The following WWOX variants were observed in gnomAD, a reference collection of about 807,000 sequenced individuals.
WWOX encodes WW domain-containing oxidoreductase.
WWOX carries 69 observed loss-of-function variants against 46.2 expected under a neutral mutation model. The ratio of observed to expected loss-of-function variants is 1.49; its 90% CI spans 1.23 to 1.82. The LOEUF (loss-of-function observed/expected upper bound fraction) is 1.82. WWOX is among the 40% of genes most tolerant of loss of function. The pLI, the probability that WWOX is intolerant of heterozygous loss-of-function variation, is 0.00. For missense variants in WWOX, 919 were observed against 542.6 expected (o/e 1.69, Z -6.89); for synonymous variants, 359 against 202.6 (o/e 1.77, Z -6.56).
intron 8 of WWOX, among the ~76,000 whole-genome samples, chr16:78,508,417 G>A (rs2085272133): frequency 6.7e-6 from 1 of 149,108 alleles, no homozygotes; most frequent in African/African-American, 2.5e-5. Flanking sequence ...TGTGGCCCAG[G>A]GAAGCTAAAA....
intron 5 of WWOX, among the ~76,000 whole-genome samples, chr16:78,229,189 C>T (rs996272634): frequency 1.3e-5 from 2 of 150,796 alleles, no homozygotes; most frequent in African/African-American, 2.4e-5. Flanking sequence ...GATGAGGTTA[C>T]GAATCATAGT....
intron 6 of WWOX, among the ~76,000 whole-genome samples, chr16:78,397,729 G>A (rs560136973): frequency 7.6e-4 from 116 of 152,304 alleles, no homozygotes; most frequent in Admixed American, 1.7e-3. Flanking sequence ...GCTTCTTTCA[G>A]CCAATTTTCC....
intron 8 of WWOX, among the ~76,000 whole-genome samples, chr16:78,634,837 A>AGAGAGAGAGAGGGT (rs1346762709): frequency 9.0e-6 from 1 of 111,718 alleles, no homozygotes; most frequent in Non-Finnish European, 1.9e-5. Context: ...AGAGAGAGAG[A>AGAGAGAGAGAGGGT]GTGTGTGTGT....
intron 8 of WWOX, among the ~76,000 whole-genome samples, chr16:78,616,088 T>G (rs1430357942): frequency 6.6e-6 from 1 of 152,122 alleles, no homozygotes; most frequent in East Asian, 1.9e-4. Context: ...TAGCTATTCT[T>G]CTCACTTCCT....
chr16:78,973,150 C>G (rs557990049), intron 8 of WWOX, among the ~76,000 whole-genome samples: 1 of 152,326 alleles, frequency 6.6e-6, no homozygotes, highest in East Asian at 1.9e-4. Flanking sequence ...TTGCGGAAAT[C>G]TCTGCCACGT....
At chr16:78,841,184 C>T (rs780959536) in intron 8 of WWOX, among the ~76,000 whole-genome samples, 3 of 152,174 alleles carry the variant, frequency 2.0e-5, no homozygotes, top group Non-Finnish European at 4.4e-5. Context: ...TCCAGAAATG[C>T]AGGGGCCTTC....
chr16:78,216,092 T>G (rs1014414543), intron 5 of WWOX, among the ~76,000 whole-genome samples: 1 of 152,226 alleles, frequency 6.6e-6, no homozygotes, highest in Admixed American at 6.5e-5. Flanking sequence ...TCAGCCACAC[T>G]GCCTGTCTCA....
intron 8 of WWOX, among the ~76,000 whole-genome samples, chr16:79,121,671 A>C (rs1408400728): frequency 1.3e-5 from 2 of 152,162 alleles, no homozygotes; most frequent in Non-Finnish European, 2.9e-5. Context: ...GGCATGCGCC[A>C]AGGGAAGCTG....
At chr16:78,760,870 G>A (rs117300233) in intron 8 of WWOX, among the ~76,000 whole-genome samples, 163 of 152,296 alleles carry the variant, frequency 1.1e-3, no homozygotes, top group Non-Finnish European at 1.8e-3. Flanking sequence ...GTCTGGGGAG[G>A]CCTCACAATC....
intron 8 of WWOX, among the ~76,000 whole-genome samples, chr16:79,098,004 A>C (rs1005300894): frequency 3.9e-5 from 6 of 152,186 alleles, no homozygotes; most frequent in African/African-American, 1.4e-4. Context: ...CAGTGGCCCC[A>C]AAGCATTAAT....
intron 8 of WWOX, among the ~76,000 whole-genome samples, chr16:79,014,129 C>A (rs560124535): frequency 6.6e-6 from 1 of 152,282 alleles, no homozygotes; most frequent in African/African-American, 2.4e-5. Context: ...TGGCAGAGAC[C>A]AAGATCTTTT....
intron 4 of WWOX, among the ~76,000 whole-genome samples, chr16:78,153,484 A>AG (rs2034489371): frequency 6.6e-6 from 1 of 152,108 alleles, no homozygotes; most frequent in Non-Finnish European, 1.5e-5. Flanking sequence ...GAAAGACATT[A>AG]GGCCTATCTT....
At chr16:78,410,928 A>G (rs973866786) in intron 6 of WWOX, among the ~76,000 whole-genome samples, 2 of 152,128 alleles carry the variant, frequency 1.3e-5, no homozygotes, top group African/African-American at 4.8e-5. Flanking sequence ...CATTAAACTG[A>G]AAGCTATAAT....
chr16:78,877,610 A>T (rs979477867), intron 8 of WWOX, among the ~76,000 whole-genome samples: 3 of 152,214 alleles, frequency 2.0e-5, no homozygotes, highest in African/African-American at 7.2e-5. Context: ...ACAGACATAG[A>T]TGTGGACATA....
chr16:78,123,857 A>C (rs1179059898), intron 4 of WWOX: 5 of 152,144 alleles, frequency 3.3e-5, no homozygotes, highest in Admixed American at 2.0e-4. Flanking sequence ...TTAATGATAC[A>C]TTCTTGCTGT....
chr16:78,704,396 T>C (rs890056231), intron 8 of WWOX, among the ~76,000 whole-genome samples: 8 of 152,162 alleles, frequency 5.3e-5, no homozygotes, highest in African/African-American at 1.4e-4. Flanking sequence ...TTATCTTTTA[T>C]ACATATAATG....
chr16:78,813,896 A>G (rs1371877644), intron 8 of WWOX, among the ~76,000 whole-genome samples: 2 of 152,208 alleles, frequency 1.3e-5, no homozygotes, highest in Non-Finnish European at 2.9e-5. Flanking sequence ...TGAGCAAGCC[A>G]TTAATCTATA....
chr16:78,907,907 G>A (rs1168606302), intron 8 of WWOX, among the ~76,000 whole-genome samples: 1 of 152,186 alleles, frequency 6.6e-6, no homozygotes, highest in Non-Finnish European at 1.5e-5. Flanking sequence ...TTCACCAACT[G>A]CAAGGGGCTT....
At chr16:79,118,792 G>T (rs181137364) in intron 8 of WWOX, among the ~76,000 whole-genome samples, 1 of 152,226 alleles carries the variant, frequency 6.6e-6, no homozygotes, top group East Asian at 1.9e-4. Flanking sequence ...CGCCCATTTG[G>T]CACATTGCTT....
Sources: allele counts gnomAD v4.1 joint callset (sites outside exome capture counted in the v4.1 genomes callset), GRCh38; gene constraint gnomAD v4.1.1; transcripts MANE v1.5; gene names NCBI Gene and HGNC (gene_info 2026-07-23, HGNC 2026-07-21).